The following UNC13C variants were observed in gnomAD, a reference collection of about 807,000 sequenced individuals.
UNC13C encodes the protein protein unc-13 homolog C.
A neutral mutation model predicts 245.4 loss-of-function variants in UNC13C; 174 were observed. The ratio of observed to expected loss-of-function variants is 0.71; its 90% CI spans 0.63 to 0.80. The LOEUF is 0.80. Among genes scored for constraint, UNC13C ranks in the 30% least tolerant of loss-of-function variants. The pLI is 0.00. For missense variants in UNC13C, 2,829 were observed against 2,602.9 expected (o/e 1.09, Z -1.89); for synonymous variants, 992 against 895.1 (o/e 1.11, Z -1.93).
At chr15:54,340,482 C>T (rs746244450) in intron 17 of UNC13C, among the ~76,000 whole-genome samples, 1 of 152,128 alleles carries the variant, frequency 6.6e-6, no homozygotes, top group Non-Finnish European at 1.5e-5. Context: ...AGATGAAGAT[C>T]CAGTTTCATT....
rs983177856 is a variant in UNC13C, at chr15:54,329,945, C to A, written c.4426-2098C>A. ...CCCCTTTGCTCCCCAACTCATGGAACCTAAGTCCACAGAGGTAGGGAATTC... is the reference window on the plus strand; with the variant it reads ...CCCCTTTGCTCCCCAACTCATGGAAACTAAGTCCACAGAGGTAGGGAATTC... On this transcript the variant is annotated intron_variant, in intron 14 of 32. Coordinates refer to ENST00000260323, the MANE Select transcript of UNC13C (RefSeq NM_001080534.3). Among the ~76,000 whole-genome samples, 12 of 152,154 alleles carry A rather than the reference C, an allele frequency of 7.9e-5. No individual in the cohort carries two copies. In the East Asian group the frequency reaches 2.3e-3, roughly 29 times the overall value.
intron 22 of UNC13C, among the ~76,000 whole-genome samples, chr15:54,503,807 T>A (rs1894341556): frequency 1.3e-5 from 2 of 152,172 alleles, no homozygotes; most frequent in Non-Finnish European, 2.9e-5. Flanking sequence ...TAATTAGTCT[T>A]GAAAACTCTA....
At chr15:53,860,265 G>T in the UNC13C span, among the ~76,000 whole-genome samples, 1 of 44,012 alleles carries the variant, frequency 2.3e-5, no homozygotes, top group African/African-American at 6.5e-5. Context: ...TAACTCACAT[G>T]ATATCATTTT....
At chr15:54,588,261 T>A (rs1204688148) in intron 30 of UNC13C, among the ~76,000 whole-genome samples, 1 of 152,220 alleles carries the variant, frequency 6.6e-6, no homozygotes, top group African/African-American at 2.4e-5. Flanking sequence ...TCAATTTATT[T>A]CCTGAAGTAA....
chr15:53,881,109 G>A, the UNC13C span, among the ~76,000 whole-genome samples: 1 of 152,070 alleles, frequency 6.6e-6, no homozygotes, highest in African/African-American at 2.4e-5. Context: ...TTTAAGGGCT[G>A]CATTAACTCC....
At chr15:54,041,336 A>C (rs1374216235) in intron 2 of UNC13C, among the ~76,000 whole-genome samples, 1 of 152,060 alleles carries the variant, frequency 6.6e-6, no homozygotes, top group Non-Finnish European at 1.5e-5. Flanking sequence ...CATATTTTCT[A>C]TTTTCTTTTT....
intron 2 of UNC13C, among the ~76,000 whole-genome samples, chr15:54,108,117 G>A (rs1289435219): frequency 6.6e-6 from 1 of 152,196 alleles, no homozygotes; most frequent in Non-Finnish European, 1.5e-5. Flanking sequence ...CTTTGGATCT[G>A]TAGACAGCAT....
chr15:54,500,208 C>T (rs1458543833), intron 21 of UNC13C, 33 bp downstream of exon 21: 4 of 1,485,376 alleles, frequency 2.7e-6, no homozygotes, highest in Non-Finnish European at 2.8e-6. Context: ...AAGTTCATTG[C>T]CATGATTCAG....
chr15:54,401,600 G>A (rs1246496018), intron 18 of UNC13C, among the ~76,000 whole-genome samples: 3 of 152,178 alleles, frequency 2.0e-5, no homozygotes, highest in Admixed American at 2.0e-4. Flanking sequence ...GTATAAACAG[G>A]AACGAAGATC....
At chr15:54,361,738 G>T (rs1009747696) in intron 17 of UNC13C, among the ~76,000 whole-genome samples, 11 of 152,164 alleles carry the variant, frequency 7.2e-5, no homozygotes, top group African/African-American at 2.4e-4. Context: ...GAACTAAACT[G>T]CTACCCTACC....
chr15:54,345,654 AT>A, intron 17 of UNC13C, among the ~76,000 whole-genome samples: 1 of 152,270 alleles, frequency 6.6e-6, no homozygotes, highest in Non-Finnish European at 1.5e-5. Context: ...AATCTGGCTT[AT>A]TTTGACTAAT....
chr15:54,038,684 T>G (rs1896691829), intron 2 of UNC13C, among the ~76,000 whole-genome samples: 1 of 152,226 alleles, frequency 6.6e-6, no homozygotes, highest in Admixed American at 6.5e-5. Flanking sequence ...TATCAAGTTA[T>G]CTTAAACATC....
At chr15:54,542,744 C>A (rs907070395) in intron 26 of UNC13C, among the ~76,000 whole-genome samples, 3 of 152,070 alleles carry the variant, frequency 2.0e-5, no homozygotes, top group Non-Finnish European at 4.4e-5. Flanking sequence ...ATCCCTTTAC[C>A]ATTTTGTAAT....
At chr15:54,317,698 G>T (rs556180060) in intron 13 of UNC13C, among the ~76,000 whole-genome samples, 1 of 151,890 alleles carries the variant, frequency 6.6e-6, no homozygotes, top group African/African-American at 2.4e-5. Flanking sequence ...AAATCTAGCT[G>T]ATTAACGTAT....
At chr15:54,227,706 G>A (rs560816253) in intron 4 of UNC13C, among the ~76,000 whole-genome samples, 204 of 152,298 alleles carry the variant, frequency 1.3e-3, no homozygotes, top group African/African-American at 4.7e-3. Flanking sequence ...GGGCTTCCCG[G>A]GCCCCCAAGA....
chr15:54,546,906 G>T (rs1896509835), intron 27 of UNC13C, 61 bp downstream of exon 27: 1 of 1,422,146 alleles, frequency 7.0e-7, no homozygotes, highest in Non-Finnish European at 9.4e-7. Flanking sequence ...TTAAGTGAAT[G>T]GTTTTCATCC....
chr15:54,171,071 C>T (rs1413055812), intron 4 of UNC13C, among the ~76,000 whole-genome samples: 1 of 152,172 alleles, frequency 6.6e-6, no homozygotes, highest in African/African-American at 2.4e-5. Context: ...CAAATGTACA[C>T]ATGCTTATAT....
At chr15:54,316,218 A>T (rs954764482) in intron 13 of UNC13C, among the ~76,000 whole-genome samples, 1 of 151,918 alleles carries the variant, frequency 6.6e-6, no homozygotes, top group African/African-American at 2.4e-5. Flanking sequence ...GACTCTCTGT[A>T]AACCCCTCAG....
intron 1 of UNC13C, among the ~76,000 whole-genome samples, chr15:54,011,210 C>A (rs757712002): frequency 3.3e-5 from 5 of 152,126 alleles, no homozygotes; most frequent in African/African-American, 4.8e-5. Context: ...GTGTGTGCAA[C>A]TGTGGACACC....
Sources: gnomAD v4.1 joint callset for allele counts (sites outside exome capture counted in the v4.1 genomes callset) on GRCh38, gnomAD v4.1.1 for gene constraint, MANE v1.5 for transcripts, NCBI Gene and HGNC (gene_info 2026-07-23, HGNC 2026-07-21) for gene names.